Variants in EFCAB11 observed in about 807,000 individuals in gnomAD.
EFCAB11 encodes EF-hand calcium-binding domain-containing protein 11.
EFCAB11 carries 14 observed loss-of-function variants against 23.0 expected under a neutral mutation model. That is an observed-to-expected ratio of 0.61 (90% CI 0.40 to 0.95). EFCAB11 has a LOEUF of 0.95. EFCAB11 is among the 40% of genes least tolerant of loss of function. EFCAB11 has a pLI of 0.00. For missense variants in EFCAB11, 198 were observed against 195.8 expected (o/e 1.01, Z -0.07); for synonymous variants, 65 against 66.6 (o/e 0.98, Z 0.11).
At chr14:89,923,013 T>C (rs1348168701) in intron 5 of EFCAB11, among the ~76,000 whole-genome samples, 1 of 152,214 alleles carries the variant, frequency 6.6e-6, no homozygotes, top group Non-Finnish European at 1.5e-5. Flanking sequence ...GCTTCCTAAA[T>C]GTGAAGAGAC....
intron 5 of EFCAB11, among the ~76,000 whole-genome samples, chr14:89,875,184 T>C (rs749468096): frequency 8.5e-5 from 13 of 152,162 alleles, no homozygotes; most frequent in Non-Finnish European, 1.9e-4. Context: ...TCTTGTTCGT[T>C]ATCGGAATTA....
At chr14:89,870,283 GATCT>G (rs947141980) in intron 5 of EFCAB11, among the ~76,000 whole-genome samples, 5 of 152,176 alleles carry the variant, frequency 3.3e-5, no homozygotes, top group Non-Finnish European at 7.3e-5. Context: ...ATAATTTCAT[GATCT>G]ATCTACTATC....
intron 5 of EFCAB11, among the ~76,000 whole-genome samples, chr14:89,823,021 C>T (rs1380738120): frequency 6.6e-6 from 1 of 152,034 alleles, no homozygotes; most frequent in African/African-American, 2.4e-5. Context: ...AGGAATAACC[C>T]CCAAGATTAC....
intron 5 of EFCAB11, among the ~76,000 whole-genome samples, chr14:89,907,170 C>A (rs1889524387): frequency 6.6e-6 from 1 of 152,160 alleles, no homozygotes; most frequent in Admixed American, 6.5e-5. Context: ...CCCTGCACAT[C>A]CTACCACCCC....
Position 89,892,364 on chromosome 14 carries a change from G to A in EFCAB11, c.410+39177C>T, listed in dbSNP as rs376978635. The stretch of plus-strand genomic sequence containing the variant: ...GGACATCAAGCTAGAAGAGGGCTTG[G>A]GGGGTGTCCGGCTCATCCACAAGAC... On this transcript the variant is annotated intron_variant, in intron 5 of 5. Transcript: ENST00000316738. The A allele has an allele frequency of 8.7e-6, 14 of 1,611,710 alleles. No homozygotes were observed. In the Middle Eastern group the frequency reaches 6.6e-4, roughly 76 times the overall value.
Position 89,795,003 on chromosome 14 carries a change from A to T in EFCAB11, c.*2240T>A, listed in dbSNP as rs556159980. The T allele has an allele frequency of 2.3e-4, 21 of 92,612 alleles. No homozygotes were observed. In the East Asian group the frequency reaches 3.5e-3, roughly 15 times the overall value. 5.7% of individuals were successfully genotyped at this position (92,612 alleles called of 1,614,324 possible). ...TTTTTTTTTTTTTTTTTTGAGAGGG[A>T]GTCTCGCTCTGTTGCCCAGACTGGA... On this transcript the variant is annotated 3_prime_UTR_variant, in exon 6 of 6. Coordinates refer to ENST00000316738, the MANE Select transcript of EFCAB11 (RefSeq NM_145231.4).
chr14:89,954,231 G>A, intron 1 of EFCAB11: 1 of 1,144,326 alleles, frequency 8.7e-7, no homozygotes, highest in South Asian at 1.4e-5. Context: ...TAACCGCTAG[G>A]TGACGCAAAT....
At chr14:89,842,657 T>A (rs1156952331) in intron 5 of EFCAB11, among the ~76,000 whole-genome samples, 1 of 149,860 alleles carries the variant, frequency 6.7e-6, no homozygotes, top group Non-Finnish European at 1.5e-5. Flanking sequence ...AATGTCCCTC[T>A]CGTGTCTTAA....
intron 5 of EFCAB11, among the ~76,000 whole-genome samples, chr14:89,855,767 A>G (rs1887732838): frequency 6.6e-6 from 1 of 152,058 alleles, no homozygotes; most frequent in Non-Finnish European, 1.5e-5. Flanking sequence ...TCTGACCTGT[A>G]TCTCCCCATT....
rs1446191511 is a variant in EFCAB11 at position 89,796,111 on chromosome 14, G to T, written c.*1132C>A. Reference sequence around the variant, plus strand: ...CTCCCAAGCCTAGACCATCCTAAAGGGTTCTGCAAACATGTCTCTTGCCCC... The same window carrying T: ...CTCCCAAGCCTAGACCATCCTAAAGTGTTCTGCAAACATGTCTCTTGCCCC... On this transcript the variant is annotated 3_prime_UTR_variant, in exon 6 of 6. Coordinates refer to ENST00000316738, the MANE Select transcript of EFCAB11 (RefSeq NM_145231.4). 6.6e-6 allele frequency: 1 copy of T among 152,300 alleles called. No individual in the cohort carries two copies. Among genetic ancestry groups the T allele is most frequent in the Admixed American group, 6.5e-5 (1 of 15,274 alleles). 9.4% of individuals were successfully genotyped at this position (152,300 alleles called of 1,614,324 possible).
At chr14:89,854,816 G>A (rs984898059) in intron 5 of EFCAB11, among the ~76,000 whole-genome samples, 2 of 152,020 alleles carry the variant, frequency 1.3e-5, no homozygotes, top group Admixed American at 1.3e-4. Context: ...CTGTCACCAC[G>A]ATCCTGTAGA....
chr14:89,839,883 T>G (rs1040682466), intron 5 of EFCAB11, among the ~76,000 whole-genome samples: 1 of 152,038 alleles, frequency 6.6e-6, no homozygotes, highest in African/African-American at 2.4e-5. Context: ...GGGGGGATGG[T>G]GCTAAACCAT....
At chr14:89,835,127 G>A (rs1424289702) in intron 5 of EFCAB11, among the ~76,000 whole-genome samples, 1 of 152,208 alleles carries the variant, frequency 6.6e-6, no homozygotes, top group Non-Finnish European at 1.5e-5. Flanking sequence ...CAGGGAAAAT[G>A]GGGCAGGAGC....
intron 5 of EFCAB11, among the ~76,000 whole-genome samples, chr14:89,850,539 T>C (rs1215461348): frequency 6.6e-6 from 1 of 152,236 alleles, no homozygotes; most frequent in African/African-American, 2.4e-5. Context: ...GGTGCTGCTC[T>C]GCATAATTGT....
intron 5 of EFCAB11, among the ~76,000 whole-genome samples, chr14:89,819,405 A>G (rs921576428): frequency 2.0e-5 from 3 of 151,910 alleles, no homozygotes; most frequent in Non-Finnish European, 4.4e-5. Context: ...GCAAAGGGAT[A>G]CAAAGAAACT....
chr14:89,950,288 C>T, intron 2 of EFCAB11, 146 bp from the exon 3 acceptor site: 2 of 803,430 alleles, frequency 2.5e-6, no homozygotes, highest in South Asian at 2.0e-5. Flanking sequence ...TACACAATAG[C>T]TATAATAGTC....
intron 5 of EFCAB11, among the ~76,000 whole-genome samples, chr14:89,810,485 T>C (rs1167753360): frequency 3.9e-5 from 6 of 152,196 alleles, no homozygotes; most frequent in African/African-American, 1.4e-4. Flanking sequence ...TTTTCACTTT[T>C]ATAAATGTAT....
chr14:89,942,884 T>C (rs2139831978), intron 3 of EFCAB11, among the ~76,000 whole-genome samples: 1 of 152,360 alleles, frequency 6.6e-6, no homozygotes, highest in South Asian at 2.1e-4. Flanking sequence ...AAATCTCTAT[T>C]GAAATGACCT....
chr14:89,801,786 G>A (rs890816142), intron 5 of EFCAB11, among the ~76,000 whole-genome samples: 6 of 152,158 alleles, frequency 3.9e-5, no homozygotes, highest in Admixed American at 1.3e-4. Context: ...TGGAGGTCAG[G>A]AGTTCAAGAC....
Sources: allele counts gnomAD v4.1 joint callset (sites outside exome capture counted in the v4.1 genomes callset), GRCh38; gene constraint gnomAD v4.1.1; transcripts MANE v1.5; gene names NCBI Gene and HGNC (gene_info 2026-07-23, HGNC 2026-07-21).